Variants in TSHZ2 observed in about 807,000 individuals in gnomAD.
The protein encoded by TSHZ2 is teashirt zinc finger homeobox 2, also known as teashirt homolog 2.
A neutral mutation model predicts 74.4 loss-of-function variants in TSHZ2; 21 were observed. The ratio of observed to expected loss-of-function variants is 0.28; its 90% CI spans 0.20 to 0.41. TSHZ2 has a LOEUF of 0.41. Among genes scored for constraint, TSHZ2 ranks in the 10% least tolerant of loss-of-function variants. TSHZ2 has a pLI of 1.00. For synonymous variants in TSHZ2, 540 were observed against 515.3 expected, an observed-to-expected ratio of 1.05 and a Z score of -0.65; for missense variants, 1,244 against 1,293.5, an observed-to-expected ratio of 0.96 and a Z score of 0.59.
intron 2 of TSHZ2, among the ~76,000 whole-genome samples, chr20:53,292,006 A>G (rs962331954): frequency 3.3e-5 from 5 of 152,058 alleles, no homozygotes; most frequent in Non-Finnish European, 7.4e-5. Context: ...AAAAAAAAAA[A>G]AAGAACAGAT....
At chr20:53,183,620 A>G (rs1361883594) in intron 1 of TSHZ2, among the ~76,000 whole-genome samples, 1 of 152,106 alleles carries the variant, frequency 6.6e-6, no homozygotes, top group Non-Finnish European at 1.5e-5. Context: ...TTCCTCTCAC[A>G]TTTCTCATGG....
intron 1 of TSHZ2, among the ~76,000 whole-genome samples, chr20:53,149,227 A>G (rs887106310): frequency 3.3e-5 from 5 of 150,650 alleles, no homozygotes; most frequent in African/African-American, 1.2e-4. Context: ...TGAGCCATAC[A>G]TCACTGACAT....
At chr20:53,167,796 G>A (rs1474955371) in intron 1 of TSHZ2, among the ~76,000 whole-genome samples, 2 of 152,134 alleles carry the variant, frequency 1.3e-5, no homozygotes, top group Non-Finnish European at 2.9e-5. Flanking sequence ...CCACTGGGTG[G>A]GGTATTACGT....
chr20:53,298,995 CTCTGCTT>C, intron 2 of TSHZ2, among the ~76,000 whole-genome samples: 1 of 152,184 alleles, frequency 6.6e-6, no homozygotes, highest in Non-Finnish European at 1.5e-5. Context: ...ATAGATGAGA[CTCTGCTT>C]TCCAGCTCCT....
Position 52,979,079 on chromosome 20 carries a change from A to T in TSHZ2, c.40+5746A>T, listed in dbSNP as rs566811070. On this transcript the variant is annotated intron_variant, in intron 1 of 2. Transcript: ENST00000371497. The stretch of plus-strand genomic sequence containing the variant: ...GTTAGTCATTCTAACCACATAAGAA[A>T]GTGGAGAGTACTTGCTTGCTTACCT... 4.6e-5 allele frequency among the ~76,000 whole-genome samples: 7 copies of T among 152,326 alleles called. No homozygotes were observed. The East Asian group carries it at 1.3e-3, about 29-fold the overall frequency.
chr20:53,091,389 C>T (rs1190024340), intron 1 of TSHZ2, among the ~76,000 whole-genome samples: 2 of 152,114 alleles, frequency 1.3e-5, no homozygotes, highest in African/African-American at 4.8e-5. Flanking sequence ...ATGCCGCTCC[C>T]GGTTTTCACT....
chr20:53,256,579 T>C lies in TSHZ2; in HGVS notation c.*8+8T>C. ...TGAAGAATAGCTCTGCAGGTATGGG[T>C]TTGCTCTGAGGCATTGCGATTAGCC... is the stretch of plus-strand genomic sequence containing the variant. On this transcript the variant is annotated splice_region_variant and intron_variant, in intron 2 of 2. Transcript: ENST00000371497. This position sits in a 1 kb window ranked among gnomAD's most constrained non-coding sequence, Gnocchi z 4.3. 1 of 1,560,318 alleles carries C rather than the reference T, an allele frequency of 6.4e-7. No homozygotes were observed. The highest frequency in any genetic ancestry group is 8.7e-7 in the Non-Finnish European group (1 of 1,148,668).
chr20:53,466,120 G>A (rs56246957), intron 2 of TSHZ2, among the ~76,000 whole-genome samples: 10,432 of 152,152 alleles, frequency 0.069, 413 homozygotes, highest in East Asian at 0.15. Flanking sequence ...GATGGCACAT[G>A]CCTGTAATCC....
At chr20:53,005,316 G>GTAAA (rs34102349) in intron 1 of TSHZ2, among the ~76,000 whole-genome samples, 11,535 of 151,912 alleles carry the variant, frequency 0.076, 598 homozygotes, top group Non-Finnish European at 0.11. Flanking sequence ...TGTCTCAAAA[G>GTAAA]TAAATAAATA....
chr20:53,328,807 T>G (rs1287974181), intron 2 of TSHZ2, among the ~76,000 whole-genome samples: 2 of 152,238 alleles, frequency 1.3e-5, no homozygotes, highest in African/African-American at 4.8e-5. Context: ...CCATTATATA[T>G]CACCTTAAAT....
At chr20:53,023,138 C>A (rs1489804727) in intron 1 of TSHZ2, among the ~76,000 whole-genome samples, 1 of 152,154 alleles carries the variant, frequency 6.6e-6, no homozygotes, top group East Asian at 1.9e-4. Context: ...GGATGGAAGT[C>A]TTGCTTGAAT....
intron 1 of TSHZ2, among the ~76,000 whole-genome samples, chr20:53,130,004 G>C (rs561123624): frequency 6.6e-6 from 1 of 151,932 alleles, no homozygotes; most frequent in South Asian, 2.1e-4. Flanking sequence ...TAGAGATGGG[G>C]GGTCCTGTGT....
intron 2 of TSHZ2, among the ~76,000 whole-genome samples, 188 bp from the exon 3 acceptor site, chr20:53,486,956 G>A (rs1327212169): frequency 6.6e-6 from 1 of 152,010 alleles, no homozygotes; most frequent in Non-Finnish European, 1.5e-5. Flanking sequence ...TATTTAAATA[G>A]TTTTTTTCTC....
intron 1 of TSHZ2, among the ~76,000 whole-genome samples, chr20:53,249,742 A>C (rs1186880638): frequency 1.3e-5 from 2 of 152,148 alleles, no homozygotes; most frequent in African/African-American, 4.8e-5. Context: ...GTGATGAGAG[A>C]GGGGCAGGGA....
chr20:53,105,682 G>A (rs1391602407), intron 1 of TSHZ2, among the ~76,000 whole-genome samples: 4 of 151,322 alleles, frequency 2.6e-5, no homozygotes, highest in Non-Finnish European at 5.9e-5. Flanking sequence ...GGACTTACAG[G>A]GTGGCCCAGG....
At chr20:53,444,494 A>C (rs1317998769) in intron 2 of TSHZ2, among the ~76,000 whole-genome samples, 3 of 152,142 alleles carry the variant, frequency 2.0e-5, no homozygotes, top group Non-Finnish European at 4.4e-5. Flanking sequence ...AATCACCAGG[A>C]AGGGATTGAG....
At chr20:53,244,412 C>T (rs894541063) in intron 1 of TSHZ2, among the ~76,000 whole-genome samples, 18 of 152,076 alleles carry the variant, frequency 1.2e-4, no homozygotes, top group African/African-American at 3.6e-4. Flanking sequence ...GTTCCTGTTT[C>T]GTTTCACTTT....
chr20:53,340,775 C>G (rs1294445036), intron 2 of TSHZ2, among the ~76,000 whole-genome samples: 1 of 152,190 alleles, frequency 6.6e-6, no homozygotes, highest in Non-Finnish European at 1.5e-5. Context: ...CCCTCTCTTT[C>G]TCTCTTCTTT....
chr20:53,096,418 C>T (rs999066226), intron 1 of TSHZ2, among the ~76,000 whole-genome samples: 1 of 152,156 alleles, frequency 6.6e-6, no homozygotes, highest in East Asian at 1.9e-4. Flanking sequence ...GCTGGGATTA[C>T]AGGCGCGAGC....
Sources: gnomAD v4.1 joint callset for allele counts (sites outside exome capture counted in the v4.1 genomes callset) on GRCh38, gnomAD v4.1.1 for gene constraint, Gnocchi (gnomAD v3.1) non-coding constraint, MANE v1.5 for transcripts, NCBI Gene and HGNC (gene_info 2026-07-23, HGNC 2026-07-21) for gene names.